The following SORCS1 variants were observed in gnomAD, a reference collection of about 807,000 sequenced individuals.
SORCS1 encodes sortilin related VPS10 domain containing receptor 1.
Under a neutral mutation model 146.1 loss-of-function variants are expected in SORCS1, and 60 were observed. That is an observed-to-expected ratio of 0.41 (90% CI 0.33 to 0.51). The LOEUF is 0.51. Ranked by LOEUF, SORCS1 falls within the 20% of genes least tolerant of loss-of-function variation. The pLI is 0.21. For missense variants in SORCS1, 1,352 were observed against 1,487.6 expected (o/e 0.91, Z 1.50); for synonymous variants, 637 against 584.0 (o/e 1.09, Z -1.31).
intron 3 of SORCS1, among the ~76,000 whole-genome samples, chr10:106,780,698 A>G (rs1860820187): frequency 6.6e-6 from 1 of 152,236 alleles, no homozygotes; most frequent in Non-Finnish European, 1.5e-5. Context: ...TAAGAGAAAG[A>G]CACTGCCTTT....
intron 5 of SORCS1, among the ~76,000 whole-genome samples, chr10:106,760,694 AAC>A (rs998385733): frequency 3.0e-5 from 4 of 134,632 alleles, no homozygotes; most frequent in African/African-American, 1.2e-4. Flanking sequence ...CATACACACA[AAC>A]ACACACACAC....
intron 1 of SORCS1, among the ~76,000 whole-genome samples, chr10:107,055,089 G>A (rs892232466): frequency 2.0e-5 from 3 of 152,158 alleles, no homozygotes; most frequent in Non-Finnish European, 4.4e-5. Flanking sequence ...GAGTGGAAGG[G>A]ATTAATTTTG....
At chr10:106,815,848 T>C (rs1564692596) in intron 3 of SORCS1, among the ~76,000 whole-genome samples, 1 of 152,216 alleles carries the variant, frequency 6.6e-6, no homozygotes, top group Non-Finnish European at 1.5e-5. Context: ...GCACTAAAAG[T>C]GCAAGGAGGA....
intron 2 of SORCS1, among the ~76,000 whole-genome samples, chr10:106,880,566 C>T (rs1299454806): frequency 6.6e-6 from 1 of 152,088 alleles, no homozygotes; most frequent in Non-Finnish European, 1.5e-5. Flanking sequence ...CTTGGAAGTG[C>T]TCAGAAATCT....
intron 1 of SORCS1, among the ~76,000 whole-genome samples, chr10:106,995,790 A>AT (rs1332958166): frequency 6.6e-6 from 1 of 152,176 alleles, no homozygotes; most frequent in Admixed American, 6.5e-5. Context: ...GATAATTTAA[A>AT]AAAAAACAAA....
At chr10:107,026,566 C>T (rs1309569987) in intron 1 of SORCS1, among the ~76,000 whole-genome samples, 1 of 150,178 alleles carries the variant, frequency 6.7e-6, no homozygotes, top group Non-Finnish European at 1.5e-5. Flanking sequence ...TGCAGTGAGC[C>T]GAGATTGCGC....
chr10:106,947,745 T>C (rs537495805), intron 2 of SORCS1, among the ~76,000 whole-genome samples: 81 of 151,820 alleles, frequency 5.3e-4, no homozygotes, highest in African/African-American at 1.7e-3. Flanking sequence ...ACTCAAGAGA[T>C]TGAGGCAGGA....
intron 8 of SORCS1, among the ~76,000 whole-genome samples, chr10:106,704,006 G>A (rs1013269261): frequency 2.0e-5 from 3 of 152,200 alleles, no homozygotes; most frequent in African/African-American, 4.8e-5. Context: ...GAAGACAGAT[G>A]CAAATTTGGG....
intron 1 of SORCS1, among the ~76,000 whole-genome samples, chr10:107,091,164 G>A (rs908868163): frequency 6.6e-6 from 1 of 152,316 alleles, no homozygotes; most frequent in East Asian, 1.9e-4. Context: ...ATCTCATCAC[G>A]CAGCTGCTGC....
intron 1 of SORCS1, among the ~76,000 whole-genome samples, chr10:107,150,858 T>C (rs1177411538): frequency 2.0e-5 from 3 of 152,180 alleles, no homozygotes; most frequent in Admixed American, 1.3e-4. Flanking sequence ...TCAGCCATGA[T>C]TGTAAGTTTC....
chr10:107,175,667 C>T, the SORCS1 span, among the ~76,000 whole-genome samples: 1 of 152,134 alleles, frequency 6.6e-6, no homozygotes, highest in African/African-American at 2.4e-5. Context: ...AACTCCTGAT[C>T]TCAAGTGATA....
intron 1 of SORCS1, among the ~76,000 whole-genome samples, chr10:107,157,867 CTT>C (rs1411066202): frequency 1.3e-5 from 2 of 152,194 alleles, no homozygotes; most frequent in African/African-American, 4.8e-5. Context: ...CTGCCATCCC[CTT>C]TGGCCACTGC....
chr10:107,003,171 C>T (rs987445359), intron 1 of SORCS1, among the ~76,000 whole-genome samples: 3 of 151,950 alleles, frequency 2.0e-5, no homozygotes, highest in East Asian at 1.9e-4. Flanking sequence ...AGGAGAATCG[C>T]CTGAACCTGG....
intron 5 of SORCS1, among the ~76,000 whole-genome samples, chr10:106,760,047 C>A (rs1469071300): frequency 1.3e-5 from 2 of 151,992 alleles, no homozygotes; most frequent in Admixed American, 1.3e-4. Context: ...AAACCATAAC[C>A]CACTATGATG....
chr10:107,155,489 GC>G lies in SORCS1; in HGVS notation c.558+8479del, dbSNP rs199764427. 9.2e-3 allele frequency among the ~76,000 whole-genome samples: 1,406 copies of G among 152,250 alleles called. 8 individuals carry two copies. Among genetic ancestry groups the G allele is most frequent in the South Asian group, 0.02 (95 of 4,820 alleles). ...GGCACCTATGAGTGAGCCCATGCCT[GC>G]CCAGTTAAGAATTCTTCTACCATTT... On this transcript the variant is annotated intron_variant, in intron 1 of 25. Transcript: ENST00000263054.
intron 6 of SORCS1, among the ~76,000 whole-genome samples, chr10:106,723,190 T>C (rs889495081): frequency 9.9e-5 from 15 of 152,152 alleles, no homozygotes; most frequent in Non-Finnish European, 2.2e-4. Context: ...AAAGAATGTT[T>C]TGGGCTCTAA....
At chr10:107,163,899 T>A (rs1294851933) in intron 1 of SORCS1, 70 bp downstream of exon 1, 3 of 1,507,584 alleles carry the variant, frequency 2.0e-6, no homozygotes, top group African/African-American at 2.8e-5. Context: ...CAATTCTCCA[T>A]CAGATCACAC....
chr10:106,859,381 A>G (rs1199294850), intron 2 of SORCS1, among the ~76,000 whole-genome samples: 2 of 152,088 alleles, frequency 1.3e-5, no homozygotes, highest in African/African-American at 4.8e-5. Context: ...ATACACTTCA[A>G]GGCTGGAATC....
chr10:106,784,485 G>T (rs913851997), intron 3 of SORCS1, among the ~76,000 whole-genome samples: 2 of 151,818 alleles, frequency 1.3e-5, no homozygotes, highest in Non-Finnish European at 2.9e-5. Flanking sequence ...GTCACTATGA[G>T]AACTAATTAA....
Sources: gnomAD v4.1 joint callset for allele counts (sites outside exome capture counted in the v4.1 genomes callset) on GRCh38, gnomAD v4.1.1 for gene constraint, MANE v1.5 for transcripts, NCBI Gene and HGNC (gene_info 2026-07-23, HGNC 2026-07-21) for gene names.